The following NDST3 variants were observed in gnomAD, a reference collection of about 807,000 sequenced individuals.
NDST3 encodes N-deacetylase and N-sulfotransferase 3, also known as bifunctional heparan sulfate N-deacetylase/N-sulfotransferase 3.
NDST3 carries 58 observed loss-of-function variants against 96.1 expected under a neutral mutation model. The ratio of observed to expected loss-of-function variants is 0.60; its 90% CI spans 0.49 to 0.75. The LOEUF (loss-of-function observed/expected upper bound fraction) is 0.75, where lower values mean the gene tolerates loss of function less well. NDST3 is among the 30% of genes least tolerant of loss of function. NDST3 has a pLI of 0.00. For missense variants in NDST3, 788 were observed against 1,034.2 expected, an observed-to-expected ratio of 0.76 and a Z score of 3.27; for synonymous variants, 333 against 359.7, an observed-to-expected ratio of 0.93 and a Z score of 0.84.
intron 6 of NDST3, among the ~76,000 whole-genome samples, chr4:118,195,348 A>G (rs967272027): frequency 6.6e-6 from 1 of 152,174 alleles, no homozygotes; most frequent in African/African-American, 2.4e-5. Flanking sequence ...GTTCCCCCAT[A>G]CTGTTCTCAT....
intron 6 of NDST3, among the ~76,000 whole-genome samples, chr4:118,172,540 A>G (rs1736016869): frequency 6.6e-6 from 1 of 152,230 alleles, no homozygotes; most frequent in African/African-American, 2.4e-5. Flanking sequence ...AAAAGAATAC[A>G]AAATTATACA....
intron 2 of NDST3, among the ~76,000 whole-genome samples, chr4:118,095,119 C>T (rs1404635668): frequency 6.6e-6 from 1 of 151,824 alleles, no homozygotes; most frequent in Non-Finnish European, 1.5e-5. Flanking sequence ...AGGAAAGCCT[C>T]ACCAAAGAGG....
chr4:118,254,482 A>G (rs1030668913), intron 13 of NDST3, among the ~76,000 whole-genome samples: 1 of 152,138 alleles, frequency 6.6e-6, no homozygotes, highest in Non-Finnish European at 1.5e-5. Context: ...CTTCCTGTTT[A>G]TTCTGTTCAG....
At chr4:118,081,978 C>A in intron 2 of NDST3, among the ~76,000 whole-genome samples, 1 of 152,128 alleles carries the variant, frequency 6.6e-6, no homozygotes, top group East Asian at 1.9e-4. Flanking sequence ...ATGTTCAGCA[C>A]AATGTACCTG....
At chr4:118,250,759 T>G (rs1313530802) in intron 12 of NDST3, among the ~76,000 whole-genome samples, 1 of 152,180 alleles carries the variant, frequency 6.6e-6, no homozygotes, top group East Asian at 1.9e-4. Context: ...GCTGAGATTA[T>G]AGGCGTCAGC....
intron 6 of NDST3, among the ~76,000 whole-genome samples, chr4:118,186,498 C>G (rs1237770402): frequency 5.3e-5 from 8 of 152,106 alleles, no homozygotes; most frequent in Non-Finnish European, 1.0e-4. Context: ...GGACAGGAGG[C>G]GTCCAGCACA....
chr4:118,041,559 G>A (rs1724466568), intron 1 of NDST3, among the ~76,000 whole-genome samples: 1 of 151,828 alleles, frequency 6.6e-6, no homozygotes, highest in African/African-American at 2.4e-5. Context: ...CCTCATCATA[G>A]GTTGAATTCG....
At chr4:118,080,187 G>C (rs1727897115) in intron 2 of NDST3, among the ~76,000 whole-genome samples, 1 of 148,858 alleles carries the variant, frequency 6.7e-6, no homozygotes, top group Non-Finnish European at 1.5e-5. Context: ...CCTGGTGTTA[G>C]TTATTATTAA....
At chr4:118,243,388 A>G (rs1741125037) in intron 12 of NDST3, among the ~76,000 whole-genome samples, 1 of 152,182 alleles carries the variant, frequency 6.6e-6, no homozygotes, top group Non-Finnish European at 1.5e-5. Flanking sequence ...GAGTAGGTGG[A>G]ACTCTGCAGT....
At chr4:118,143,379 T>C (rs1182540265) in intron 5 of NDST3, among the ~76,000 whole-genome samples, 177 bp from the exon 6 acceptor site, 1 of 152,170 alleles carries the variant, frequency 6.6e-6, no homozygotes, top group East Asian at 1.9e-4. Flanking sequence ...TTCTTCACTA[T>C]TCCTTCCATA....
chr4:118,112,349 A>G (rs1309683985), intron 3 of NDST3, among the ~76,000 whole-genome samples: 1 of 152,194 alleles, frequency 6.6e-6, no homozygotes, highest in African/African-American at 2.4e-5. Flanking sequence ...TCAAGGAAAG[A>G]TAAGAATTAT....
At chr4:118,189,450 G>A (rs1225308785) in intron 6 of NDST3, among the ~76,000 whole-genome samples, 1 of 152,024 alleles carries the variant, frequency 6.6e-6, no homozygotes, top group East Asian at 1.9e-4. Context: ...GATGTTTCAG[G>A]AGCCCTCTGT....
intron 6 of NDST3, among the ~76,000 whole-genome samples, chr4:118,197,230 A>G (rs1301135621): frequency 6.6e-6 from 1 of 152,000 alleles, no homozygotes; most frequent in East Asian, 1.9e-4. Flanking sequence ...CATTTTTTTG[A>G]ATGTTTTAAG....
At chr4:118,193,674 C>T in intron 6 of NDST3, 1 of 1,323,302 alleles carries the variant, frequency 7.6e-7, no homozygotes, top group Non-Finnish European at 1.1e-6. Flanking sequence ...TGTGCCAGTT[C>T]AAAGTCATTC....
intron 2 of NDST3, among the ~76,000 whole-genome samples, chr4:118,094,673 C>A (rs1275570307): frequency 6.6e-6 from 1 of 151,728 alleles, no homozygotes; most frequent in African/African-American, 2.4e-5. Context: ...TTAATTTATT[C>A]TTTCATTCTT....
chr4:118,258,228 G>A lies in NDST3; in HGVS notation c.*2516G>A, dbSNP rs954243007. The A allele has an allele frequency of 6.6e-6, 1 of 152,192 alleles. No individual in the cohort carries two copies. The highest frequency in any genetic ancestry group is 2.4e-5 in the African/African-American group (1 of 41,460). The allele number at this position is 152,192 out of a possible 1,614,324, so 9.4% of individuals were successfully genotyped here. On this transcript the variant is annotated 3_prime_UTR_variant, in exon 14 of 14. Coordinates refer to ENST00000296499, the MANE Select transcript of NDST3 (RefSeq NM_004784.3). ...ATTCACAAGTACATGTATTACGCTA[G>A]CTAGAGCAGCAAACCTGTGAAAGGA...
intron 2 of NDST3, among the ~76,000 whole-genome samples, chr4:118,089,422 A>C (rs549998188): frequency 6.6e-6 from 1 of 151,968 alleles, no homozygotes; most frequent in Non-Finnish European, 1.5e-5. Context: ...ATTGATTTAC[A>C]TCTGAACTGG....
chr4:118,237,255 A>G (rs762256299), intron 10 of NDST3, 35 bp downstream of exon 10: 1 of 1,566,080 alleles, frequency 6.4e-7, no homozygotes, highest in South Asian at 1.2e-5. Flanking sequence ...AACAGGGAGA[A>G]GTGGAGTATG....
chr4:118,161,994 G>A (rs1298039857), intron 6 of NDST3, among the ~76,000 whole-genome samples: 2 of 152,104 alleles, frequency 1.3e-5, no homozygotes, highest in African/African-American at 2.4e-5. Context: ...GACCGGAGCT[G>A]TTCCTATTCA....
Sources: allele counts gnomAD v4.1 joint callset (sites outside exome capture counted in the v4.1 genomes callset), GRCh38; gene constraint gnomAD v4.1.1; transcripts MANE v1.5; gene names NCBI Gene and HGNC (gene_info 2026-07-23, HGNC 2026-07-21).